The following CABLES1 variants were observed in gnomAD, a reference collection of about 807,000 sequenced individuals.
CABLES1 encodes the protein CDK5 and ABL1 enzyme substrate 1.
In CABLES1, 36 loss-of-function variants were observed where a neutral mutation model predicts 57.8. The observed-to-expected ratio is 0.62, with a 90% CI of 0.48 to 0.82. The LOEUF is 0.82. Ranked by LOEUF, CABLES1 falls within the 40% of genes least tolerant of loss-of-function variation. CABLES1 has a pLI of 0.00. For synonymous variants in CABLES1, 374 were observed against 363.0 expected (o/e 1.03, Z -0.35); for missense variants, 767 against 836.6 (o/e 0.92, Z 1.03).
Position 23,135,990 on chromosome 18 carries a change from C to T in CABLES1, c.228C>T (p.Gly76=). The change falls in exon 1 of 10, where the codon GGC becomes GGT. Residue 76 remains glycine, a synonymous_variant. Transcript: ENST00000256925. The part of the protein sequence containing the change: ...LSFLTNISLD[G]RLPPQDAEWG... ...TCCTCACCAACATCTCGCTGGACGG[C>T]CGGCTGCCGCCGCAGGACGCGGAGT... 6.2e-6 allele frequency: 7 copies of T among 1,137,504 alleles called. No individual in the cohort carries two copies. Among genetic ancestry groups the T allele is most frequent in the Non-Finnish European group, 7.5e-6 (7 of 927,830 alleles). The allele number at this position is 1,137,504 out of a possible 1,614,324, so 70.5% of individuals were successfully genotyped here.
At chr18:23,232,288 G>A (rs984848895) in intron 4 of CABLES1, among the ~76,000 whole-genome samples, 1 of 152,206 alleles carries the variant, frequency 6.6e-6, no homozygotes, top group Admixed American at 6.5e-5. Flanking sequence ...AAATTATTTG[G>A]GAGTTGGGAA....
intron 1 of CABLES1, among the ~76,000 whole-genome samples, chr18:23,175,082 T>C (rs575498004): frequency 4.3e-4 from 66 of 152,066 alleles, no homozygotes; most frequent in Admixed American, 3.6e-3. Context: ...TCTCTTTCAA[T>C]GGTGATTATA....
chr18:23,140,477 C>T (rs981063192), intron 1 of CABLES1, among the ~76,000 whole-genome samples: 5 of 150,668 alleles, frequency 3.3e-5, no homozygotes, highest in Non-Finnish European at 7.4e-5. Context: ...TGCTCTGTCA[C>T]CTAGGCTGGA....
chr18:23,186,188 C>T (rs2047201282), intron 1 of CABLES1, among the ~76,000 whole-genome samples: 1 of 152,196 alleles, frequency 6.6e-6, no homozygotes, highest in African/African-American at 2.4e-5. Context: ...GGGCCAGAGC[C>T]TAGAGTTGGG....
chr18:23,147,925 G>A (rs984352285), intron 1 of CABLES1, among the ~76,000 whole-genome samples: 14 of 149,036 alleles, frequency 9.4e-5, no homozygotes, highest in African/African-American at 2.7e-4. Context: ...TTTGTCACTC[G>A]TTATCAGAGC....
At chr18:23,165,241 C>A (rs569586124) in intron 1 of CABLES1, among the ~76,000 whole-genome samples, 14 of 152,066 alleles carry the variant, frequency 9.2e-5, no homozygotes, top group Non-Finnish European at 1.6e-4. Context: ...TGCCACCACA[C>A]CCAGCTAATT....
In CABLES1 at chr18:23,234,962, T is replaced by TCA. The variant is rs529260656; in HGVS notation, c.1185+265_1185+266dup. On this transcript the variant is annotated intron_variant, in intron 5 of 9. Transcript: ENST00000256925. Reference sequence around the variant, plus strand: ...AACTGAATGTACAGTTTTGAGTACCTCACACACAGACATGTTCCAGGATGG... The same window carrying TCA: ...AACTGAATGTACAGTTTTGAGTACCTCACACACACAGACATGTTCCAGGATGG... Among the ~76,000 whole-genome samples, 388 of 152,312 alleles carry TCA rather than the reference T, an allele frequency of 2.5e-3. 1 individual carries two copies. Among genetic ancestry groups the TCA allele is most frequent in the South Asian group, 4.6e-3 (22 of 4,824 alleles).
rs1429736088 is a variant in CABLES1, at chr18:23,258,001, G to A, written c.*634G>A. The A allele has an allele frequency of 6.6e-6, 1 of 152,226 alleles. No individual in the cohort carries two copies. Among genetic ancestry groups the A allele is most frequent in the Non-Finnish European group, 1.5e-5 (1 of 68,060 alleles). 9.4% of individuals were successfully genotyped at this position (152,226 alleles called of 1,614,324 possible). ...TGACCTTCAACAATTATTTCTAGAT[G>A]ATTTCTGGATAAGAATTGCTCTCTC... On this transcript the variant is annotated 3_prime_UTR_variant, in exon 10 of 10. Transcript: ENST00000256925.
intron 7 of CABLES1, among the ~76,000 whole-genome samples, chr18:23,246,069 C>T (rs1253682714): frequency 3.3e-5 from 5 of 152,126 alleles, no homozygotes; most frequent in Admixed American, 2.6e-4. Flanking sequence ...AGATCGAGAC[C>T]ATCCTGGCCA....
At chr18:23,165,594 A>G (rs1240820450) in intron 1 of CABLES1, among the ~76,000 whole-genome samples, 1 of 151,914 alleles carries the variant, frequency 6.6e-6, no homozygotes, top group African/African-American at 2.4e-5. Flanking sequence ...TACTGGAGGT[A>G]CCTCATCTAA....
chr18:23,209,364 C>G (rs1400720582), intron 3 of CABLES1, among the ~76,000 whole-genome samples: 1 of 152,200 alleles, frequency 6.6e-6, no homozygotes, highest in East Asian at 1.9e-4. Context: ...CCTGTACTTA[C>G]AAATAAGGCC....
At chr18:23,146,394 C>T (rs1008274402) in intron 1 of CABLES1, among the ~76,000 whole-genome samples, 2 of 152,046 alleles carry the variant, frequency 1.3e-5, no homozygotes, top group East Asian at 3.9e-4. Flanking sequence ...ACCTCTGCCT[C>T]CCGGGTTCAA....
chr18:23,141,328 TC>T (rs1399947760), intron 1 of CABLES1, among the ~76,000 whole-genome samples: 2 of 152,216 alleles, frequency 1.3e-5, no homozygotes, highest in Non-Finnish European at 1.5e-5. Context: ...GTAATTGTAA[TC>T]TATGTCTTGA....
chr18:23,248,321 G>C (rs1452021458), intron 7 of CABLES1, among the ~76,000 whole-genome samples: 1 of 152,156 alleles, frequency 6.6e-6, no homozygotes, highest in Non-Finnish European at 1.5e-5. Context: ...AATGCAATCA[G>C]CAGAATACAG....
chr18:23,201,257 A>G (rs2047323291), intron 3 of CABLES1, among the ~76,000 whole-genome samples: 1 of 152,208 alleles, frequency 6.6e-6, no homozygotes, highest in South Asian at 2.1e-4. Context: ...CAGGCTCACA[A>G]TGCAATGCCA....
intron 3 of CABLES1, among the ~76,000 whole-genome samples, chr18:23,206,817 C>T (rs1400907198): frequency 2.2e-4 from 30 of 137,354 alleles, no homozygotes; most frequent in Non-Finnish European, 3.9e-4. Flanking sequence ...GTTTGTGCAC[C>T]TTTTTTTTTT....
intron 7 of CABLES1, among the ~76,000 whole-genome samples, chr18:23,248,936 C>A (rs544432230): frequency 6.6e-6 from 1 of 152,244 alleles, no homozygotes; most frequent in Non-Finnish European, 1.5e-5. Flanking sequence ...ACAAGCCACA[C>A]TGTAGAACTG....
At position 23,253,016 on chromosome 18, in the gene CABLES1, C is replaced by A; in HGVS notation, c.1503C>A (p.Thr501=). Residue 501 remains threonine, a synonymous_variant, in exon 8 of 10, where the codon ACC becomes ACA. Transcript: ENST00000256925. ...ATCTCAAGAAGGACATGAACGAGAC[C>A]TTCAAGGAGAAGTTTCCTCACATTA... ...PSDLKKDMNE[T]FKEKFPHIKL... 1 of 1,613,908 alleles carries A rather than the reference C, an allele frequency of 6.2e-7. No individual in the cohort carries two copies. The highest frequency in any genetic ancestry group is 8.5e-7 in the Non-Finnish European group (1 of 1,179,832).
At chr18:23,137,849 C>T (rs900918693) in intron 1 of CABLES1, among the ~76,000 whole-genome samples, 1 of 152,072 alleles carries the variant, frequency 6.6e-6, no homozygotes, top group African/African-American at 2.4e-5. Flanking sequence ...GGTGTGGAAC[C>T]GGGGAAGCAG....
Sources: gnomAD v4.1 joint callset for allele counts (sites outside exome capture counted in the v4.1 genomes callset) on GRCh38, gnomAD v4.1.1 for gene constraint, MANE v1.5 for transcripts, NCBI Gene and HGNC (gene_info 2026-07-23, HGNC 2026-07-21) for gene names.